Variants in NMT2 observed in about 807,000 individuals in gnomAD.
NMT2 encodes glycylpeptide N-tetradecanoyltransferase 2.
NMT2 carries 35 observed loss-of-function variants against 65.4 expected under a neutral mutation model. That is an observed-to-expected ratio of 0.54 (90% CI 0.41 to 0.71). The LOEUF (loss-of-function observed/expected upper bound fraction) is 0.71. Ranked by LOEUF, NMT2 falls within the 30% of genes least tolerant of loss-of-function variation. NMT2 has a pLI of 0.00. For missense variants in NMT2, 489 were observed against 611.3 expected (o/e 0.80, Z 2.11); for synonymous variants, 226 against 231.8 (o/e 0.98, Z 0.23).
intron 1 of NMT2, among the ~76,000 whole-genome samples, chr10:15,156,007 T>A (rs1190363536): frequency 1.3e-5 from 2 of 152,122 alleles, no homozygotes; most frequent in Non-Finnish European, 1.5e-5. Context: ...GGGCATGAAA[T>A]TTAGAACTTA....
At chr10:15,158,056 T>C (rs1833059664) in intron 1 of NMT2, among the ~76,000 whole-genome samples, 1 of 152,214 alleles carries the variant, frequency 6.6e-6, no homozygotes, top group Non-Finnish European at 1.5e-5. Flanking sequence ...GGCTCACGCT[T>C]GTAGACCCAG....
intron 1 of NMT2, among the ~76,000 whole-genome samples, chr10:15,156,906 A>G (rs1207826266): frequency 6.6e-6 from 1 of 152,186 alleles, no homozygotes; most frequent in African/African-American, 2.4e-5. Flanking sequence ...AACAAAAAAA[A>G]AAAAGGTTTC....
intron 1 of NMT2, among the ~76,000 whole-genome samples, chr10:15,158,009 G>C (rs1266769384): frequency 6.6e-6 from 1 of 152,088 alleles, no homozygotes; most frequent in African/African-American, 2.4e-5. Flanking sequence ...TTATTGTAAT[G>C]AGTCAACCAG....
rs759414202 is a variant in NMT2, at chr10:15,108,480, C to T, written c.*715G>A. On this transcript the variant is annotated 3_prime_UTR_variant, in exon 12 of 12. Transcript: ENST00000378165. Reference sequence around the variant, plus strand: ...GATTACAGGCGTGAGCCACCACGCCCGGCCTCAGGCTCTTTCAGAGAGCAC... The same window carrying T: ...GATTACAGGCGTGAGCCACCACGCCTGGCCTCAGGCTCTTTCAGAGAGCAC... 85 of 984,564 alleles carry T rather than the reference C, an allele frequency of 8.6e-5. No individual in the cohort carries two copies. Among genetic ancestry groups the T allele is most frequent in the East Asian group, 1.1e-4 (1 of 8,844 alleles). The allele number at this position is 984,564 out of a possible 1,614,324, so 61.0% of individuals were successfully genotyped here.
chr10:15,132,999 G>T, intron 5 of NMT2, 54 bp downstream of exon 5: 2 of 1,592,122 alleles, frequency 1.3e-6, no homozygotes, highest in Non-Finnish European at 1.7e-6. Context: ...ACAGACGCAG[G>T]AGTCCCCAAG....
chr10:15,120,787 C>T (rs973809542), intron 8 of NMT2, among the ~76,000 whole-genome samples: 18 of 152,314 alleles, frequency 1.2e-4, no homozygotes, highest in African/African-American at 4.3e-4. Context: ...TTTCTAAAGG[C>T]AAACGGGTTT....
At position 15,106,051 on chromosome 10, in the gene NMT2, G is replaced by A. The variant is rs900938112; in HGVS notation, c.*3144C>T. 2 of 396,792 alleles carry A rather than the reference G, an allele frequency of 5.0e-6. No homozygotes were observed. Among genetic ancestry groups the A allele is most frequent in the South Asian group, 3.5e-5 (2 of 56,464 alleles). The allele number at this position is 396,792 out of a possible 1,614,324, so 24.6% of individuals were successfully genotyped here. The stretch of plus-strand genomic sequence containing the variant: ...ACTCTGTTGCCCAGGCTGGAGTGCA[G>A]TGGTGTGATCCCGGCTCACTGCAAC... On this transcript the variant is annotated 3_prime_UTR_variant, in exon 12 of 12. Coordinates refer to ENST00000378165, the MANE Select transcript of NMT2 (RefSeq NM_004808.3).
intron 8 of NMT2, among the ~76,000 whole-genome samples, chr10:15,124,571 A>T (rs1846021574): frequency 6.6e-6 from 1 of 152,262 alleles, no homozygotes; most frequent in Non-Finnish European, 1.5e-5. Context: ...AAAAAGAGTA[A>T]CAATGAAGCA....
chr10:15,152,999 T>C (rs1191475301), intron 1 of NMT2, among the ~76,000 whole-genome samples: 1 of 152,202 alleles, frequency 6.6e-6, no homozygotes, highest in Admixed American at 6.5e-5. Context: ...GGTGTATCCA[T>C]TCAATGCTAC....
intron 2 of NMT2, among the ~76,000 whole-genome samples, chr10:15,137,104 T>C (rs762699371): frequency 1.6e-4 from 25 of 152,296 alleles, no homozygotes; most frequent in Middle Eastern, 6.8e-3. Context: ...TAGAAGTTTA[T>C]AAACAGCAAC....
intron 1 of NMT2, among the ~76,000 whole-genome samples, chr10:15,147,827 C>T (rs1847017607): frequency 1.3e-5 from 2 of 151,906 alleles, no homozygotes; most frequent in Non-Finnish European, 2.9e-5. Context: ...TCATAATGTC[C>T]GTGAAGGAAA....
rs565894922 is a variant in NMT2 at position 15,128,251 on chromosome 10, A to T, written c.999+99T>A. On this transcript the variant is annotated intron_variant, in intron 8 of 11. Transcript: ENST00000378165. ...TTTCGCTCCATATTCACTTCCTCAG[A>T]CACACCAGTCAGTTTTTAGACTCCT... is the stretch of plus-strand genomic sequence containing the variant. 28 of 738,362 alleles carry T rather than the reference A, an allele frequency of 3.8e-5. No individual in the cohort carries two copies. In the South Asian group the frequency reaches 4.2e-4, roughly 11 times the overall value. The allele number at this position is 738,362 out of a possible 1,614,324, so 45.7% of individuals were successfully genotyped here.
At position 15,106,669 on chromosome 10, in the gene NMT2, CCTT is replaced by C. The variant is rs1269989218; in HGVS notation, c.*2523_*2525del. Reference sequence around the variant, plus strand: ...ACCTATAGAAAGGAGAGTTCCAACTCCTTCGTAGTGACCAAGGTCAACAAACTT... The same window carrying C: ...ACCTATAGAAAGGAGAGTTCCAACTCCGTAGTGACCAAGGTCAACAAACTT... On this transcript the variant is annotated 3_prime_UTR_variant, in exon 12 of 12. Transcript: ENST00000378165. 3.1e-5 allele frequency: 31 copies of C among 985,118 alleles called. No homozygotes were observed. In the African/African-American group the frequency reaches 5.2e-4, roughly 17 times the overall value. The allele number at this position is 985,118 out of a possible 1,614,324, so 61.0% of individuals were successfully genotyped here. A position where few individuals can be genotyped will look rare whatever the true frequency, so the allele number is the denominator to read the frequency against.
intron 6 of NMT2, among the ~76,000 whole-genome samples, chr10:15,130,758 A>T (rs886194042): frequency 6.7e-6 from 1 of 148,698 alleles, no homozygotes; most frequent in African/African-American, 2.5e-5. Context: ...AAAAGAACAT[A>T]AAGGCCATTC....
At chr10:15,109,951 T>C in intron 10 of NMT2, 112 bp from the exon 11 acceptor site, 1 of 874,948 alleles carries the variant, frequency 1.1e-6, no homozygotes, top group Non-Finnish European at 1.7e-6. Flanking sequence ...TCTAATAGGA[T>C]TTAACGTCCG....
chr10:15,160,590 GT>G (rs1269450528), intron 1 of NMT2, among the ~76,000 whole-genome samples: 1 of 151,914 alleles, frequency 6.6e-6, no homozygotes. Flanking sequence ...GCCGGCCAAC[GT>G]GGTGAAACCC....
chr10:15,114,185 G>A (rs1337868185), intron 9 of NMT2, among the ~76,000 whole-genome samples: 1 of 152,118 alleles, frequency 6.6e-6, no homozygotes, highest in Non-Finnish European at 1.5e-5. Flanking sequence ...GTTTAATAAG[G>A]ATTTTAGATT....
At chr10:15,117,272 A>G (rs1845776766) in intron 9 of NMT2, among the ~76,000 whole-genome samples, 1 of 152,232 alleles carries the variant, frequency 6.6e-6, no homozygotes. Context: ...AATCTAACAT[A>G]TCAACAGATT....
rs927300785 is a variant in NMT2 at position 15,150,689 on chromosome 10, AT to A, written c.111-9133del. On this transcript the variant is annotated intron_variant, in intron 1 of 11. Coordinates refer to ENST00000378165, the MANE Select transcript of NMT2 (RefSeq NM_004808.3). ...TGGCCAGTGAGGGACAAAGATCATC[AT>A]CAAAGATCCATCAAGCAGGCAGGTG... Among the ~76,000 whole-genome samples the A allele has an allele frequency of 1.8e-4, 28 of 152,276 alleles. 1 individual carries two copies. Among genetic ancestry groups the A allele is most frequent in the Admixed American group, 1.7e-3 (26 of 15,292 alleles).
Sources: gnomAD v4.1 joint callset for allele counts (sites outside exome capture counted in the v4.1 genomes callset) on GRCh38, gnomAD v4.1.1 for gene constraint, MANE v1.5 for transcripts, NCBI Gene and HGNC (gene_info 2026-07-23, HGNC 2026-07-21) for gene names.